RGS6: variants seen among roughly 807,000 people sequenced by gnomAD.
RGS6 encodes regulator of G-protein signaling 6.
In RGS6, 30 loss-of-function variants were observed where a neutral mutation model predicts 78.5. The observed-to-expected ratio is 0.38, with a 90% CI of 0.29 to 0.52. The LOEUF (loss-of-function observed/expected upper bound fraction) is 0.52. Ranked by LOEUF, RGS6 falls within the 20% of genes least tolerant of loss-of-function variation. The probability of loss-of-function intolerance (pLI) is 0.85; values close to 1 mark genes in which losing one functional copy is unlikely to be tolerated. For missense variants in RGS6, 495 were observed against 609.7 expected (o/e 0.81, Z 1.98); for synonymous variants, 206 against 206.0 (o/e 1.00, Z 0.00).
chr14:72,386,411 G>GCTT (rs1404832883), intron 3 of RGS6, among the ~76,000 whole-genome samples: 1 of 152,070 alleles, frequency 6.6e-6, no homozygotes, highest in Non-Finnish European at 1.5e-5. Flanking sequence ...GGTTTTGCAT[G>GCTT]CTTGTAGTCC....
chr14:72,114,041 C>G (rs2095833880), intron 2 of RGS6, among the ~76,000 whole-genome samples: 1 of 152,170 alleles, frequency 6.6e-6, no homozygotes, highest in Non-Finnish European at 1.5e-5. Context: ...AGACAAAGGA[C>G]TTCTACCCAG....
intron 2 of RGS6, among the ~76,000 whole-genome samples, chr14:72,164,116 G>A (rs1328352256): frequency 6.6e-6 from 1 of 152,122 alleles, no homozygotes; most frequent in Non-Finnish European, 1.5e-5. Flanking sequence ...TGTTTAACCT[G>A]CCCTCTACCA....
Position 72,470,410 on chromosome 14 carries a change from C to G in RGS6, c.536+327C>G, listed in dbSNP as rs78415025. 5.1e-4 allele frequency among the ~76,000 whole-genome samples: 77 copies of G among 152,282 alleles called. 4 individuals are homozygous for G. The East Asian group carries it at 0.013, about 26-fold the overall frequency. ...TTCAAAGGCTGAAATCCCATTTTAC[C>G]CGTTGGACTGGAGATTTTGTCTTCA... On this transcript the variant is annotated intron_variant, in intron 8 of 17. Transcript: ENST00000553525.
At chr14:72,400,221 G>A (rs1299041397) in intron 3 of RGS6, among the ~76,000 whole-genome samples, 1 of 152,176 alleles carries the variant, frequency 6.6e-6, no homozygotes, top group Non-Finnish European at 1.5e-5. Context: ...GAAGAGAGTG[G>A]GGGCCAATAT....
chr14:72,211,419 G>A (rs943237805), intron 2 of RGS6, among the ~76,000 whole-genome samples: 1 of 152,220 alleles, frequency 6.6e-6, no homozygotes, highest in Non-Finnish European at 1.5e-5. Context: ...GTTGAGGAAG[G>A]AGTGGAAGCT....
At chr14:72,452,274 G>A (rs771626318) in intron 3 of RGS6, among the ~76,000 whole-genome samples, 4 of 151,696 alleles carry the variant, frequency 2.6e-5, no homozygotes, top group Admixed American at 6.6e-5. Flanking sequence ...GAATGAATAC[G>A]AGTGTTTTTG....
chr14:72,345,093 G>A (rs1192841600), intron 2 of RGS6, among the ~76,000 whole-genome samples: 1 of 152,212 alleles, frequency 6.6e-6, no homozygotes, highest in African/African-American at 2.4e-5. Context: ...GCAGTGATCT[G>A]TTGAGGTCTT....
At chr14:72,164,136 G>A (rs1036561903) in intron 2 of RGS6, among the ~76,000 whole-genome samples, 49 of 152,112 alleles carry the variant, frequency 3.2e-4, no homozygotes, top group African/African-American at 1.2e-3. Flanking sequence ...AGTCTGCCGT[G>A]CCTCACCCAC....
chr14:72,288,361 A>T (rs2062967641), intron 2 of RGS6, among the ~76,000 whole-genome samples: 1 of 152,226 alleles, frequency 6.6e-6, no homozygotes, highest in African/African-American at 2.4e-5. Flanking sequence ...TTACTCCATA[A>T]TACTACTGAA....
At chr14:72,108,961 A>G (rs917389657) in intron 2 of RGS6, among the ~76,000 whole-genome samples, 1 of 151,982 alleles carries the variant, frequency 6.6e-6, no homozygotes, top group African/African-American at 2.4e-5. Context: ...TTTTCTCTCC[A>G]TGCTTTTCTG....
chr14:72,235,189 G>A (rs907878885), intron 2 of RGS6, among the ~76,000 whole-genome samples: 3 of 152,176 alleles, frequency 2.0e-5, no homozygotes, highest in Admixed American at 6.5e-5. Context: ...AGGAGTATGC[G>A]TGGATTGAAG....
At chr14:72,506,624 T>C (rs755248012) in intron 13 of RGS6, among the ~76,000 whole-genome samples, 2 of 152,072 alleles carry the variant, frequency 1.3e-5, no homozygotes, top group Non-Finnish European at 2.9e-5. Context: ...ACTAGGAAAA[T>C]AAGGAAGAAA....
At chr14:72,614,770 A>G in the RGS6 span, among the ~76,000 whole-genome samples, 4 of 150,058 alleles carry the variant, frequency 2.7e-5, no homozygotes. Context: ...CAGGATCACA[A>G]GCCTCAGAAA....
intron 2 of RGS6, among the ~76,000 whole-genome samples, chr14:72,067,750 G>A (rs1039830725): frequency 6.6e-6 from 1 of 152,106 alleles, no homozygotes; most frequent in Non-Finnish European, 1.5e-5. Context: ...TAGCTTGTAG[G>A]TCTGGCCTTG....
chr14:72,469,659 G>A (rs1383527796), intron 7 of RGS6: 1 of 178,786 alleles, frequency 5.6e-6, no homozygotes, highest in Non-Finnish European at 1.2e-5. Flanking sequence ...AGGTGGCAAA[G>A]ACTCGTTAAT....
chr14:72,586,117 C>T, the RGS6 span, among the ~76,000 whole-genome samples: 1 of 152,212 alleles, frequency 6.6e-6, no homozygotes, highest in East Asian at 1.9e-4. Context: ...CTCCTCTGTC[C>T]TGATCTATCC....
the RGS6 span, among the ~76,000 whole-genome samples, chr14:72,620,736 C>A: frequency 6.6e-6 from 1 of 152,260 alleles, no homozygotes; most frequent in South Asian, 2.1e-4. Flanking sequence ...TCTACCTCAA[C>A]TGGAAGTTGT....
At chr14:72,340,081 G>T (rs1315886833) in intron 2 of RGS6, among the ~76,000 whole-genome samples, 1 of 152,188 alleles carries the variant, frequency 6.6e-6, no homozygotes, top group African/African-American at 2.4e-5. Flanking sequence ...AGCATGCAGT[G>T]AGTGCTCAAA....
intron 2 of RGS6, among the ~76,000 whole-genome samples, chr14:72,302,269 G>A (rs1416890689): frequency 6.6e-6 from 1 of 152,210 alleles, no homozygotes; most frequent in Non-Finnish European, 1.5e-5. Flanking sequence ...GGAAACAGTG[G>A]CACAAAGAAG....
Sources: gnomAD v4.1 joint callset for allele counts (sites outside exome capture counted in the v4.1 genomes callset) on GRCh38, gnomAD v4.1.1 for gene constraint, MANE v1.5 for transcripts, NCBI Gene and HGNC (gene_info 2026-07-23, HGNC 2026-07-21) for gene names.